The following HTR2C variants were observed in gnomAD, a reference collection of about 807,000 sequenced individuals.
HTR2C encodes the protein 5-hydroxytryptamine receptor 2C.
A neutral mutation model predicts 21.0 loss-of-function variants in HTR2C; 5 were observed. That is an observed-to-expected ratio of 0.24 (90% CI 0.12 to 0.50). The LOEUF is 0.50. Among genes scored for constraint, HTR2C ranks in the 20% least tolerant of loss-of-function variants. The pLI, the probability that HTR2C is intolerant of heterozygous loss-of-function variation, is 0.98. For synonymous variants in HTR2C, 150 were observed against 145.3 expected (o/e 1.03, Z -0.23); for missense variants, 271 against 371.2 (o/e 0.73, Z 2.22).
At chrX:114,606,595 T>C (rs782212342) in intron 1 of HTR2C, among the ~76,000 whole-genome samples, 1 of 111,596 alleles carries the variant, frequency 9.0e-6, no homozygotes, top group East Asian at 2.9e-4. Flanking sequence ...GAGAAAGTGG[T>C]TGATGGACAG....
intron 2 of HTR2C, among the ~76,000 whole-genome samples, chrX:114,636,925 G>C (rs1031377363): frequency 5.3e-5 from 6 of 112,229 alleles, no homozygotes; most frequent in Non-Finnish European, 1.1e-4. Context: ...TTTACACACA[G>C]AACACGTTGT....
intron 4 of HTR2C, among the ~76,000 whole-genome samples, chrX:114,815,430 T>A (rs1556454172): frequency 2.7e-5 from 3 of 111,378 alleles, no homozygotes; most frequent in African/African-American, 9.8e-5. Flanking sequence ...GCAAATCCTG[T>A]AAAACCAAAC....
chrX:114,749,453 C>CAA (rs782652879), intron 4 of HTR2C, among the ~76,000 whole-genome samples: 126 of 41,869 alleles, frequency 3.0e-3, no homozygotes, highest in African/African-American at 3.3e-3. Flanking sequence ...GTCCATGTCT[C>CAA]AAAAAAAAAA....
At chrX:114,605,227 G>A (rs1219073505) in intron 1 of HTR2C, among the ~76,000 whole-genome samples, 1 of 112,514 alleles carries the variant, frequency 8.9e-6, no homozygotes, top group African/African-American at 3.3e-5. Context: ...GGGCAGGAGG[G>A]GGAGGGCTAG....
At chrX:114,591,279 A>G (rs1209820745) in intron 1 of HTR2C, among the ~76,000 whole-genome samples, 1 of 111,733 alleles carries the variant, frequency 8.9e-6, no homozygotes, top group Non-Finnish European at 1.9e-5. Context: ...TAAAACAAGG[A>G]AGATCTGGTG....
At chrX:114,727,456 C>T (rs868953668) in intron 3 of HTR2C, among the ~76,000 whole-genome samples, 6 of 111,463 alleles carry the variant, frequency 5.4e-5, no homozygotes, top group African/African-American at 2.0e-4. Flanking sequence ...GATGCAGTGA[C>T]CCAGTTGCAG....
At chrX:114,766,881 A>G (rs1215503936) in intron 4 of HTR2C, among the ~76,000 whole-genome samples, 1 of 110,876 alleles carries the variant, frequency 9.0e-6, no homozygotes, top group African/African-American at 3.3e-5. Context: ...ATGCTCATAT[A>G]ACATTAAGTC....
At chrX:114,871,818 T>C (rs1347288134) in intron 5 of HTR2C, among the ~76,000 whole-genome samples, 6 of 109,707 alleles carry the variant, frequency 5.5e-5, no homozygotes, top group Non-Finnish European at 9.5e-5. Context: ...TTTTTTTTTT[T>C]TTTTATGACA....
rs781944254 is a variant in HTR2C, at chrX:114,604,226, C to A, written c.-146-9589C>A. 2.4e-4 allele frequency among the ~76,000 whole-genome samples: 26 copies of A among 109,590 alleles called. No individual in the cohort carries two copies. In the East Asian group the frequency reaches 7.6e-3, roughly 32 times the overall value. ...GGCGGCAATGAGATTTAGCTGTAGTCCAGGAATAGTCAGGGAAGCAGGTAA... is the reference window on the plus strand; with the variant it reads ...GGCGGCAATGAGATTTAGCTGTAGTACAGGAATAGTCAGGGAAGCAGGTAA... On this transcript the variant is annotated intron_variant, in intron 1 of 5. Transcript: ENST00000276198.
At chrX:114,732,964 T>A (rs1467306914) in intron 4 of HTR2C, among the ~76,000 whole-genome samples, 1 of 112,053 alleles carries the variant, frequency 8.9e-6, no homozygotes, top group African/African-American at 3.2e-5. Flanking sequence ...AATTTCAAAT[T>A]ACCTGTAAGT....
At chrX:114,807,485 TCATATATATACCATATATATACAC>T (rs1250803640) in intron 4 of HTR2C, among the ~76,000 whole-genome samples, 99 of 82,845 alleles carry the variant, frequency 1.2e-3, no homozygotes, top group South Asian at 6.0e-3. Flanking sequence ...TATATATACA[TCATATATATACCATATATATACAC>T]CATATATATA....
At position 114,755,066 on chromosome X, in the gene HTR2C, C is replaced by T. The variant is rs782558456; in HGVS notation, c.349+23459C>T. On this transcript the variant is annotated intron_variant, in intron 4 of 5. Coordinates refer to ENST00000276198, the MANE Select transcript of HTR2C (RefSeq NM_000868.4). ...TCCAGCCTGGCCAACATGGTGAAGC[C>T]CCGTCTCTACTAAAAATACAAAAAT... Among the ~76,000 whole-genome samples the T allele has an allele frequency of 7.3e-5, 8 of 110,014 alleles. No homozygotes were observed. In the South Asian group the frequency reaches 3.1e-3, roughly 43 times the overall value.
intron 4 of HTR2C, among the ~76,000 whole-genome samples, chrX:114,742,863 A>G (rs1408667232): frequency 2.1e-4 from 12 of 56,213 alleles, no homozygotes; most frequent in African/African-American, 5.7e-4. Flanking sequence ...ATATCTCCCA[A>G]TGCTATCCCT....
Position 114,907,336 on chromosome X carries a change from G to C in HTR2C, c.1298G>C (p.Gly433Ala), listed in dbSNP as rs782436477. 9 of 1,211,115 alleles carry C rather than the reference G, an allele frequency of 7.4e-6. No homozygotes were observed. The highest frequency in any genetic ancestry group is 1.0e-5 in the Non-Finnish European group (9 of 895,050). Residue 433 changes from glycine to alanine, a missense_variant, in exon 6 of 6, where the codon GGT becomes GCT. Physicochemically the swap from Gly to Ala is moderately conservative, Grantham distance 60. Transcript: ENST00000276198. ...VIEKASDNEP[G>A]IEMQVENLEL... ...GAGAAAGCCAGTGACAATGAGCCCG[G>C]TATAGAGATGCAAGTTGAGAATTTA...
intron 4 of HTR2C, among the ~76,000 whole-genome samples, chrX:114,827,587 C>T (rs1167848227): frequency 9.1e-6 from 1 of 110,142 alleles, no homozygotes; most frequent in Non-Finnish European, 1.9e-5. Context: ...GTGTAATTTC[C>T]TTTAGTGTTT....
At chrX:114,829,652 T>C (rs2070704624) in intron 4 of HTR2C, among the ~76,000 whole-genome samples, 4 of 111,637 alleles carry the variant, frequency 3.6e-5, no homozygotes, top group African/African-American at 1.3e-4. Flanking sequence ...AAATTTTGTG[T>C]ATGTTGTGAG....
At chrX:114,871,978 A>G (rs1178703006) in intron 5 of HTR2C, among the ~76,000 whole-genome samples, 1 of 95,808 alleles carries the variant, frequency 1.0e-5, no homozygotes, top group Non-Finnish European at 2.1e-5. Flanking sequence ...CCCTTATAAT[A>G]CAGTTTATTT....
chrX:114,712,235 C>A (rs1480528680), intron 2 of HTR2C, among the ~76,000 whole-genome samples: 1 of 111,595 alleles, frequency 9.0e-6, no homozygotes, highest in Non-Finnish European at 1.9e-5. Flanking sequence ...ATAAAATATT[C>A]TCTTTAACAT....
At chrX:114,775,210 C>T (rs1473113779) in intron 4 of HTR2C, 28 of 516,213 alleles carry the variant, frequency 5.4e-5, no homozygotes, top group Middle Eastern at 5.6e-4. Context: ...CTCAGCTTAC[C>T]GGACCATATG....
Sources: allele counts gnomAD v4.1 joint callset (sites outside exome capture counted in the v4.1 genomes callset), GRCh38; gene constraint gnomAD v4.1.1; transcripts MANE v1.5; gene names NCBI Gene and HGNC (gene_info 2026-07-23, HGNC 2026-07-21).